DLC1: variants seen among roughly 807,000 people sequenced by gnomAD.
DLC1 encodes rho GTPase-activating protein 7.
Under a neutral mutation model 140.3 loss-of-function variants are expected in DLC1, and 54 were observed. That is an observed-to-expected ratio of 0.38 (90% CI 0.31 to 0.48). DLC1 has a LOEUF of 0.48. Among genes scored for constraint, DLC1 ranks in the 20% least tolerant of loss-of-function variants. The pLI, the probability that DLC1 is intolerant of heterozygous loss-of-function variation, is 0.96. For missense variants in DLC1, 2,536 were observed against 1,907.0 expected (o/e 1.33, Z -6.14); for synonymous variants, 986 against 728.1 (o/e 1.35, Z -5.70).
intron 5 of DLC1, among the ~76,000 whole-genome samples, chr8:13,182,135 C>A (rs1375203575): frequency 2.6e-5 from 4 of 152,050 alleles, no homozygotes; most frequent in Non-Finnish European, 5.9e-5. Context: ...TAGATGTCTT[C>A]TTTTGAGAAC....
chr8:13,224,081 A>C (rs1828677963), intron 5 of DLC1, among the ~76,000 whole-genome samples: 1 of 152,244 alleles, frequency 6.6e-6, no homozygotes, highest in African/African-American at 2.4e-5. Flanking sequence ...CTACACACAA[A>C]AACAACTTTT....
At chr8:13,520,051 G>A (rs1802716069) in intron 1 of DLC1, among the ~76,000 whole-genome samples, 1 of 152,184 alleles carries the variant, frequency 6.6e-6, no homozygotes, top group Admixed American at 6.5e-5. Context: ...CAATCATTAT[G>A]TAAGACAGTG....
At chr8:13,122,801 TG>T (rs1248306640) in intron 5 of DLC1, among the ~76,000 whole-genome samples, 2 of 96,400 alleles carry the variant, frequency 2.1e-5, no homozygotes, top group Non-Finnish European at 4.0e-5. Context: ...ATGCATAGTC[TG>T]AAAAAAAAAA....
intron 5 of DLC1, among the ~76,000 whole-genome samples, chr8:13,197,022 T>C (rs773935448): frequency 2.6e-5 from 4 of 152,222 alleles, no homozygotes; most frequent in African/African-American, 4.8e-5. Flanking sequence ...ATGTATCCAG[T>C]AGTTGTTTTT....
chr8:13,541,112 A>C (rs906738910), intron 1 of DLC1, among the ~76,000 whole-genome samples: 11 of 152,246 alleles, frequency 7.2e-5, no homozygotes, highest in African/African-American at 2.7e-4. Context: ...ACACCTGTCC[A>C]GATCATTGTG....
At chr8:13,426,640 T>C (rs1023459499) in intron 2 of DLC1, among the ~76,000 whole-genome samples, 3 of 152,164 alleles carry the variant, frequency 2.0e-5, no homozygotes, top group Non-Finnish European at 4.4e-5. Flanking sequence ...TAAGCAAATA[T>C]GACAATTGAG....
chr8:13,386,945 C>T (rs961392004), intron 4 of DLC1, among the ~76,000 whole-genome samples: 1 of 152,040 alleles, frequency 6.6e-6, no homozygotes, highest in Non-Finnish European at 1.5e-5. Flanking sequence ...ATTGCTTTGA[C>T]ATGGCAAAAT....
At chr8:13,303,989 ATCC>A (rs1428290045) in intron 5 of DLC1, among the ~76,000 whole-genome samples, 42 of 151,950 alleles carry the variant, frequency 2.8e-4, no homozygotes, top group Non-Finnish European at 4.9e-4. Context: ...AACAACTCAC[ATCC>A]TCATTTTCTT....
chr8:13,346,169 G>A (rs944716068), intron 4 of DLC1, among the ~76,000 whole-genome samples: 1 of 152,180 alleles, frequency 6.6e-6, no homozygotes, highest in African/African-American at 2.4e-5. Context: ...GGATTAGATA[G>A]CCTTAACCTT....
At chr8:13,234,442 T>A (rs1447710008) in intron 5 of DLC1, among the ~76,000 whole-genome samples, 1 of 152,148 alleles carries the variant, frequency 6.6e-6, no homozygotes, top group Non-Finnish European at 1.5e-5. Flanking sequence ...CTAGTTTAAT[T>A]CTGATTAGCA....
At chr8:13,164,815 C>A (rs573035482) in intron 5 of DLC1, among the ~76,000 whole-genome samples, 1 of 152,324 alleles carries the variant, frequency 6.6e-6, no homozygotes, top group South Asian at 2.1e-4. Context: ...TTTGTCAGCT[C>A]TGGCAATTCA....
chr8:13,140,315 C>G (rs1822886417), intron 5 of DLC1, among the ~76,000 whole-genome samples: 1 of 152,122 alleles, frequency 6.6e-6, no homozygotes, highest in South Asian at 2.1e-4. Context: ...TCACTGCAGC[C>G]TCAAACTCCT....
At chr8:13,259,677 T>A (rs1464348624) in intron 5 of DLC1, among the ~76,000 whole-genome samples, 1 of 152,184 alleles carries the variant, frequency 6.6e-6, no homozygotes, top group Admixed American at 6.5e-5. Context: ...TTGTTTCATC[T>A]GAGAAAGCAA....
intron 2 of DLC1, among the ~76,000 whole-genome samples, chr8:13,491,122 T>A (rs1392225873): frequency 6.7e-6 from 1 of 148,888 alleles, no homozygotes; most frequent in Non-Finnish European, 1.5e-5. Context: ...ATATTCAGAT[T>A]TAATATTTTT....
At chr8:13,386,734 T>C (rs984150434) in intron 4 of DLC1, among the ~76,000 whole-genome samples, 3 of 152,118 alleles carry the variant, frequency 2.0e-5, no homozygotes, top group African/African-American at 4.8e-5. Flanking sequence ...CTCTGTGCTT[T>C]TAAATCACAG....
intron 1 of DLC1, among the ~76,000 whole-genome samples, chr8:13,603,648 C>T (rs1164770524): frequency 6.6e-6 from 1 of 152,052 alleles, no homozygotes; most frequent in Non-Finnish European, 1.5e-5. Flanking sequence ...GTTCAAGACC[C>T]TTGCCCTGTT....
intron 5 of DLC1, among the ~76,000 whole-genome samples, chr8:13,206,049 G>A (rs781553138): frequency 2.0e-5 from 3 of 152,142 alleles, no homozygotes; most frequent in Admixed American, 1.3e-4. Context: ...GCCTTGAGAT[G>A]TTAGCTAAGG....
intron 1 of DLC1, among the ~76,000 whole-genome samples, chr8:13,579,370 T>TATATAA (rs1804983651): frequency 2.3e-5 from 1 of 42,986 alleles, no homozygotes; most frequent in African/African-American, 1.3e-4. Context: ...TATTTTTATA[T>TATATAA]AATACATATT....
At chr8:13,387,965 T>C (rs542708838) in intron 4 of DLC1, among the ~76,000 whole-genome samples, 15 of 152,224 alleles carry the variant, frequency 9.9e-5, no homozygotes, top group African/African-American at 3.1e-4. Context: ...GATGGAGTTC[T>C]TGACAGTCTT....
Sources: allele counts gnomAD v4.1 joint callset (sites outside exome capture counted in the v4.1 genomes callset), GRCh38; gene constraint gnomAD v4.1.1; transcripts MANE v1.5; gene names NCBI Gene and HGNC (gene_info 2026-07-23, HGNC 2026-07-21).